CELF2: variants seen among roughly 807,000 people sequenced by gnomAD.
CELF2 encodes CUGBP Elav-like family member 2.
In CELF2, 8 loss-of-function variants were observed where a neutral mutation model predicts 62.6. The ratio of observed to expected loss-of-function variants is 0.13; its 90% CI spans 0.07 to 0.23. CELF2 has a LOEUF of 0.23. Among genes scored for constraint, CELF2 ranks in the 10% least tolerant of loss-of-function variants. The pLI, the probability that CELF2 is intolerant of heterozygous loss-of-function variation, is 1.00. For synonymous variants in CELF2, 258 were observed against 250.0 expected (o/e 1.03, Z -0.30); for missense variants, 333 against 671.0 (o/e 0.50, Z 5.56).
At position 11,046,241 on chromosome 10, in the gene CELF2, G is replaced by A. The variant is rs571876827; in HGVS notation, c.74+28078G>A. Among the ~76,000 whole-genome samples, 2 of 152,310 alleles carry A rather than the reference G, an allele frequency of 1.3e-5. No individual in the cohort carries two copies. Among genetic ancestry groups the A allele is most frequent in the East Asian group, 3.9e-4 (2 of 5,186 alleles). On this transcript the variant is annotated intron_variant, in intron 1 of 12. Transcript: ENST00000633077. The surrounding 1 kb of genome is among the most constrained non-coding windows in gnomAD (Gnocchi z 4.6). ...GCCCATCCCCAGACGTTCCGATTCA[G>A]CGGGTCCAAGGTGGGGCTGGGAATT...
the CELF2 span, among the ~76,000 whole-genome samples, chr10:10,642,749 G>A: frequency 6.6e-6 from 1 of 152,240 alleles, no homozygotes; most frequent in East Asian, 1.9e-4. Context: ...AGAAGAGTAC[G>A]TTGATATTGG....
chr10:11,033,404 T>C (rs7090663), intron 1 of CELF2, among the ~76,000 whole-genome samples: 61,806 of 152,042 alleles, frequency 0.41, 13,194 homozygotes, highest in East Asian at 0.77. Flanking sequence ...ATTACAGGCA[T>C]GCGCCACCAC....
chr10:10,625,337 A>G, the CELF2 span, among the ~76,000 whole-genome samples: 1 of 152,230 alleles, frequency 6.6e-6, no homozygotes, highest in South Asian at 2.1e-4. Context: ...ACCTTGTACT[A>G]CGGGCAGCTG....
intron 2 of CELF2, among the ~76,000 whole-genome samples, chr10:10,941,534 GCACTTGGATCCTAGAGC>G (rs1478623066): frequency 6.6e-6 from 1 of 152,166 alleles, no homozygotes; most frequent in African/African-American, 2.4e-5. Flanking sequence ...TGCTAACGCT[GCACTTGGATCCTAGAGC>G]CACTTTGCAT....
chr10:10,769,764 CAAA>C, the CELF2 span, among the ~76,000 whole-genome samples: 4 of 151,014 alleles, frequency 2.6e-5, no homozygotes, highest in African/African-American at 9.8e-5. Context: ...ACTCCAACTC[CAAA>C]AAATAATAAT....
chr10:11,288,007 G>A (rs1258413553), intron 8 of CELF2, among the ~76,000 whole-genome samples: 1 of 152,220 alleles, frequency 6.6e-6, no homozygotes, highest in South Asian at 2.1e-4. Flanking sequence ...ACCATGTCTT[G>A]GCAGCTATGT....
At chr10:10,834,339 C>T (rs1053902065) in intron 1 of CELF2, among the ~76,000 whole-genome samples, 2 of 151,992 alleles carry the variant, frequency 1.3e-5, no homozygotes, top group Admixed American at 6.6e-5. Flanking sequence ...GGGAGAGGCT[C>T]AGGAAAAATA....
At chr10:10,781,964 C>T in the CELF2 span, among the ~76,000 whole-genome samples, 8 of 152,068 alleles carry the variant, frequency 5.3e-5, no homozygotes, top group Non-Finnish European at 1.0e-4. Flanking sequence ...AAAAGCAATA[C>T]AGTATAACAA....
the CELF2 span, among the ~76,000 whole-genome samples, chr10:10,522,156 G>A: frequency 6.6e-6 from 1 of 152,204 alleles, no homozygotes; most frequent in African/African-American, 2.4e-5. Flanking sequence ...GAGCCAAAAT[G>A]GGACCCAAGA....
rs199741464 is a variant in CELF2, at chr10:11,289,313, TCTAA to T, written c.976+764_976+767del. ...GGCCTGGACAGTTTCCAAGCTTCCT[TCTAA>T]CTTTCAAAATCCCATGACCCCCTAT... is the stretch of plus-strand genomic sequence containing the variant. On this transcript the variant is annotated intron_variant, in intron 9 of 12. Transcript: ENST00000633077. 1.4e-3 allele frequency among the ~76,000 whole-genome samples: 220 copies of T among 152,318 alleles called. 3 individuals are homozygous for T. The highest frequency in any genetic ancestry group is 0.014 in the Admixed American group (213 of 15,302).
chr10:10,595,072 T>C, the CELF2 span, among the ~76,000 whole-genome samples: 1 of 152,222 alleles, frequency 6.6e-6, no homozygotes, highest in Non-Finnish European at 1.5e-5. Context: ...CCAGATAGAA[T>C]AGTTTGTAGA....
At chr10:10,503,423 T>C in the CELF2 span, among the ~76,000 whole-genome samples, 2 of 151,958 alleles carry the variant, frequency 1.3e-5, no homozygotes, top group Non-Finnish European at 1.5e-5. Flanking sequence ...GTATACACAC[T>C]TAGGATTGTT....
chr10:10,477,275 T>C, the CELF2 span, among the ~76,000 whole-genome samples: 1 of 152,154 alleles, frequency 6.6e-6, no homozygotes, highest in Non-Finnish European at 1.5e-5. Flanking sequence ...GAGGCATACA[T>C]TTATCATATT....
chr10:11,093,787 T>C (rs527493598), intron 1 of CELF2, among the ~76,000 whole-genome samples: 21 of 152,358 alleles, frequency 1.4e-4, no homozygotes, highest in African/African-American at 4.8e-4. Flanking sequence ...TTACCACTTA[T>C]TTCTTAATCT....
chr10:10,528,658 A>G, the CELF2 span, among the ~76,000 whole-genome samples: 1 of 152,236 alleles, frequency 6.6e-6, no homozygotes, highest in Non-Finnish European at 1.5e-5. Flanking sequence ...GATCTTTTCT[A>G]TGACCGCTCA....
the CELF2 span, among the ~76,000 whole-genome samples, chr10:10,544,599 A>G: frequency 3.7e-4 from 56 of 152,270 alleles, no homozygotes; most frequent in Non-Finnish European, 7.3e-5. Flanking sequence ...AGTATTATCC[A>G]TTAAAACAAT....
intron 1 of CELF2, among the ~76,000 whole-genome samples, chr10:11,122,331 TA>T (rs1457466453): frequency 6.6e-6 from 1 of 152,194 alleles, no homozygotes; most frequent in Admixed American, 6.5e-5. Context: ...TGGCAACCAT[TA>T]AAATGATAGA....
At chr10:11,084,995 T>C (rs1349930482) in intron 1 of CELF2, among the ~76,000 whole-genome samples, 1 of 152,232 alleles carries the variant, frequency 6.6e-6, no homozygotes, top group Non-Finnish European at 1.5e-5. Context: ...AAGGCTTTGG[T>C]TTCTGAAAAT....
chr10:11,173,317 G>C (rs2069624963), intron 2 of CELF2, among the ~76,000 whole-genome samples: 2 of 152,220 alleles, frequency 1.3e-5, no homozygotes, highest in African/African-American at 4.8e-5. Context: ...TTGCCTCAGA[G>C]CTGCCTTAGC....
Sources: gnomAD v4.1 joint callset for allele counts (sites outside exome capture counted in the v4.1 genomes callset) on GRCh38, gnomAD v4.1.1 for gene constraint, Gnocchi (gnomAD v3.1) non-coding constraint, MANE v1.5 for transcripts, NCBI Gene and HGNC (gene_info 2026-07-23, HGNC 2026-07-21) for gene names.